Variants in RFFL observed in about 807,000 individuals in gnomAD.
RFFL encodes ring finger and FYVE like domain containing E3 ubiquitin protein ligase.
A neutral mutation model predicts 40.4 loss-of-function variants in RFFL; 16 were observed. The ratio of observed to expected loss-of-function variants is 0.40; its 90% confidence interval spans 0.27 to 0.60. The LOEUF is 0.60. Ranked by LOEUF, RFFL falls within the 20% of genes least tolerant of loss-of-function variation. The pLI is 0.47. For synonymous variants in RFFL, 154 were observed against 167.9 expected (o/e 0.92, Z 0.64); for missense variants, 367 against 451.7 (o/e 0.81, Z 1.70).
chr17:35,057,018 C>G (rs2091265504), intron 1 of RFFL, among the ~76,000 whole-genome samples: 1 of 150,874 alleles, frequency 6.6e-6, no homozygotes, highest in Non-Finnish European at 1.5e-5. Flanking sequence ...CGGGTTCCAA[C>G]AATTCTCCTG....
intron 1 of RFFL, among the ~76,000 whole-genome samples, chr17:35,071,138 C>T (rs1436052955): frequency 3.5e-5 from 5 of 144,864 alleles, no homozygotes; most frequent in African/African-American, 1.3e-4. Flanking sequence ...GCAGAGGCTG[C>T]AGTGAGCCAA....
chr17:35,024,936 A>C (rs1336419857), intron 2 of RFFL, among the ~76,000 whole-genome samples: 2 of 152,206 alleles, frequency 1.3e-5, no homozygotes, highest in African/African-American at 4.8e-5. Context: ...TAGCAAGAAA[A>C]TATTGTACCA....
chr17:35,060,404 T>C (rs1011812060), intron 1 of RFFL, among the ~76,000 whole-genome samples: 1 of 152,202 alleles, frequency 6.6e-6, no homozygotes, highest in Non-Finnish European at 1.5e-5. Context: ...TTAACTACTA[T>C]ATTAAGAGAC....
Position 35,081,059 on chromosome 17 carries a change from C to T in RFFL, c.-9+8046G>A, listed in dbSNP as rs1342027083. ...CGGTAGTAGCAGTTGAAAAACGCTG[C>T]TGAGAGAGCAAGAAGGTTTTGCTGT... is the stretch of plus-strand genomic sequence containing the variant. On this transcript the variant is annotated intron_variant, in intron 1 of 6. Coordinates refer to the RFFL transcript ENST00000315249. Among the ~76,000 whole-genome samples the T allele has an allele frequency of 3.3e-5, 5 of 152,100 alleles. No individual in the cohort carries two copies. In the East Asian group the frequency reaches 9.6e-4, roughly 29 times the overall value.
At chr17:35,086,222 C>T (rs1003740189) in intron 1 of RFFL, among the ~76,000 whole-genome samples, 1 of 152,296 alleles carries the variant, frequency 6.6e-6, no homozygotes, top group Non-Finnish European at 1.5e-5. Flanking sequence ...CAGTGGCTCA[C>T]ACCCATAATC....
chr17:35,047,475 G>T (rs1260861317), intron 1 of RFFL, among the ~76,000 whole-genome samples: 1 of 152,176 alleles, frequency 6.6e-6, no homozygotes, highest in African/African-American at 2.4e-5. Context: ...GCAAATAATG[G>T]ATGTTCAACA....
chr17:35,049,666 G>A (rs965578152), intron 1 of RFFL, among the ~76,000 whole-genome samples: 1 of 152,204 alleles, frequency 6.6e-6, no homozygotes, highest in Non-Finnish European at 1.5e-5. Flanking sequence ...CTCAAAGAGA[G>A]TTTGAATTCA....
intron 3 of RFFL, among the ~76,000 whole-genome samples, chr17:35,019,245 G>A (rs982695578): frequency 4.6e-5 from 7 of 152,262 alleles, no homozygotes; most frequent in East Asian, 1.9e-4. Flanking sequence ...AAGGTCTCTT[G>A]AAAATCTCAG....
chr17:35,083,791 A>AAAG (rs1255663661), intron 1 of RFFL, among the ~76,000 whole-genome samples: 3 of 151,870 alleles, frequency 2.0e-5, no homozygotes, highest in African/African-American at 7.3e-5. Flanking sequence ...AAAAAAAAAA[A>AAAG]AAAGAAAGAA....
rs375708606 is a variant in RFFL at position 35,041,760 on chromosome 17, C to A, written c.-8-15199G>T. On this transcript the variant is annotated intron_variant, in intron 1 of 6. Coordinates refer to ENST00000394597, the MANE Select transcript of RFFL (RefSeq NM_001017368.2). The stretch of plus-strand genomic sequence containing the variant: ...GGCTGGGCATGGTGGCTCACTCCTA[C>A]AATCCCAGCACTCTGGGAGGCCAAG... Among the ~76,000 whole-genome samples, 830 of 152,124 alleles carry A rather than the reference C, an allele frequency of 5.5e-3. 6 individuals are homozygous for A. Among genetic ancestry groups the A allele is most frequent in the African/African-American group, 0.019 (773 of 41,490 alleles).
chr17:35,013,874 A>G (rs912615426), intron 6 of RFFL, among the ~76,000 whole-genome samples: 12 of 152,152 alleles, frequency 7.9e-5, no homozygotes, highest in Non-Finnish European at 1.5e-4. Context: ...GTGGGTCTAG[A>G]ACTCCAAATG....
chr17:35,064,549 CAAAA>C (rs752636374), upstream of RFFL, among the ~76,000 whole-genome samples: 2 of 68,734 alleles, frequency 2.9e-5, no homozygotes, highest in Admixed American at 1.6e-4. Context: ...TGGTGTTATA[CAAAA>C]AAAAAAAAAA....
At position 35,011,081 on chromosome 17, in the gene RFFL, T is replaced by A. The variant is rs1335707342; in HGVS notation, c.*887A>T. 6.6e-6 allele frequency: 1 copy of A among 152,192 alleles called. No homozygotes were observed. The highest frequency in any genetic ancestry group is 1.5e-5 in the Non-Finnish European group (1 of 68,036). 9.4% of individuals were successfully genotyped at this position (152,192 alleles called of 1,614,324 possible). A position where few individuals can be genotyped will look rare whatever the true frequency, so the allele number is the denominator to read the frequency against. ...GCGAAAAGTGGCTTAAGACTTCTAG[T>A]TGGGAAAAGGATCAGAAGCCAAGCC... On this transcript the variant is annotated 3_prime_UTR_variant, in exon 7 of 7. Coordinates refer to ENST00000394597, the MANE Select transcript of RFFL (RefSeq NM_001017368.2).
intron 1 of RFFL, among the ~76,000 whole-genome samples, chr17:35,061,314 A>T (rs537972533): frequency 2.0e-5 from 3 of 152,354 alleles, no homozygotes; most frequent in Admixed American, 1.3e-4. Flanking sequence ...TACAAACTCA[A>T]ATTCCTAGAG....
rs370041405 is a variant in RFFL, at chr17:35,037,718, T to C, written c.-8-11157A>G. On this transcript the variant is annotated intron_variant, in intron 1 of 6. Coordinates refer to ENST00000394597, the MANE Select transcript of RFFL (RefSeq NM_001017368.2). ...GATAGCAAAGCCAAGCTTTGAACCT[T>C]GGTCACTTAGACCCTGAAGCGTACC... 3.9e-4 allele frequency among the ~76,000 whole-genome samples: 59 copies of C among 152,324 alleles called. No individual in the cohort carries two copies. The East Asian group carries it at 8.5e-3, about 22-fold the overall frequency.
intron 1 of RFFL, among the ~76,000 whole-genome samples, chr17:35,029,367 G>A (rs961111230): frequency 6.9e-6 from 1 of 144,602 alleles, no homozygotes; most frequent in African/African-American, 2.6e-5. Context: ...TTTTGAGACA[G>A]GGGTCTCACT....
chr17:35,038,211 C>G (rs1026515290), intron 1 of RFFL, among the ~76,000 whole-genome samples: 1 of 149,632 alleles, frequency 6.7e-6, no homozygotes, highest in African/African-American at 2.5e-5. Context: ...ATCGCTTGAA[C>G]CTGGGAGGCA....
At position 35,011,984 on chromosome 17, in the gene RFFL, T is replaced by C. The variant is rs371622380; in HGVS notation, c.1076A>G (p.His359Arg). 3.9e-5 allele frequency: 63 copies of C among 1,614,148 alleles called. No individual in the cohort carries two copies. The African/African-American group carries it at 6.9e-4, about 18-fold the overall frequency. ...ICRQYVIRAVHVFRS is the reference protein window; with the variant it reads ...ICRQYVIRAVRVFRS Reference sequence around the variant, plus strand: ...TGCAAGCTCTCAGGACCGGAAGACATGCACAGCTCGGATTACATACTGCCG... The same window carrying C: ...TGCAAGCTCTCAGGACCGGAAGACACGCACAGCTCGGATTACATACTGCCG... The change falls in exon 7 of 7, where the codon CAT becomes CGT. Residue 359 changes from histidine to arginine, a missense_variant. Transcript: ENST00000394597.
intron 1 of RFFL, among the ~76,000 whole-genome samples, chr17:35,076,017 G>A (rs1465016111): frequency 8.1e-6 from 1 of 123,908 alleles, no homozygotes; most frequent in Non-Finnish European, 1.6e-5. Context: ...TTTTTGAGAC[G>A]GAGTCTTGCT....
Sources: gnomAD v4.1 joint callset for allele counts (sites outside exome capture counted in the v4.1 genomes callset) on GRCh38, gnomAD v4.1.1 for gene constraint, MANE v1.5 for transcripts, NCBI Gene and HGNC (gene_info 2026-07-23, HGNC 2026-07-21) for gene names.